ATXN7L1: variants seen among roughly 807,000 people sequenced by gnomAD.
ATXN7L1 encodes ataxin 7 like 1, also known as ataxin-7-like protein 1.
In ATXN7L1, 15 loss-of-function variants were observed where a neutral mutation model predicts 70.8. The observed-to-expected ratio is 0.21, with a 90% CI of 0.14 to 0.33. The LOEUF (loss-of-function observed/expected upper bound fraction) is 0.33, where lower values mean the gene tolerates loss of function less well. Among genes scored for constraint, ATXN7L1 ranks in the 10% least tolerant of loss-of-function variants. ATXN7L1 has a pLI of 1.00. For synonymous variants in ATXN7L1, 440 were observed against 445.1 expected (o/e 0.99, Z 0.14); for missense variants, 975 against 1,097.1 (o/e 0.89, Z 1.57).
intron 3 of ATXN7L1, among the ~76,000 whole-genome samples, chr7:105,759,190 A>T (rs1299056079): frequency 6.8e-6 from 1 of 147,638 alleles, no homozygotes; most frequent in Admixed American, 6.7e-5. Flanking sequence ...CCAGGTACCC[A>T]ATTTTATCAG....
chr7:105,643,959 C>G (rs1798629727), intron 4 of ATXN7L1, among the ~76,000 whole-genome samples: 1 of 152,172 alleles, frequency 6.6e-6, no homozygotes, highest in African/African-American at 2.4e-5. Context: ...AACTCCATCT[C>G]TGGGTCTTAA....
chr7:105,823,437 CTT>C (rs1810433865), intron 2 of ATXN7L1, among the ~76,000 whole-genome samples: 1 of 152,186 alleles, frequency 6.6e-6, no homozygotes, highest in Non-Finnish European at 1.5e-5. Context: ...CCAAGCTTCT[CTT>C]TACAGGTTTA....
chr7:105,739,970 C>A lies in ATXN7L1; in HGVS notation c.355+48634G>T, dbSNP rs556633395. Among the ~76,000 whole-genome samples, 11 of 152,314 alleles carry A rather than the reference C, an allele frequency of 7.2e-5. No homozygotes were observed. The East Asian group carries it at 2.1e-3, about 29-fold the overall frequency. On this transcript the variant is annotated intron_variant, in intron 3 of 11. Coordinates refer to ENST00000419735, the MANE Select transcript of ATXN7L1 (RefSeq NM_020725.2). Reference sequence around the variant, plus strand: ...AACAGTTCAAACATTTTTGACTGCACTGGAACCTGCTGTAAGAAATATAAG... The same window carrying A: ...AACAGTTCAAACATTTTTGACTGCAATGGAACCTGCTGTAAGAAATATAAG...
chr7:105,794,766 G>C (rs1005708028), intron 2 of ATXN7L1, among the ~76,000 whole-genome samples: 1 of 152,176 alleles, frequency 6.6e-6, no homozygotes, highest in African/African-American at 2.4e-5. Flanking sequence ...TGGGTGGGGT[G>C]GGGGATGGGG....
chr7:105,652,490 G>C (rs1436428253), intron 4 of ATXN7L1, among the ~76,000 whole-genome samples: 1 of 152,196 alleles, frequency 6.6e-6, no homozygotes, highest in Non-Finnish European at 1.5e-5. Context: ...GCCCAGAACA[G>C]GCTCCGCTCA....
rs1454873592 is a variant in ATXN7L1 at position 105,606,024 on chromosome 7, T to C, written c.*1828A>G. ...AACCTTGTTTATAATTTCTTAAACA[T>C]TTATAAGTCTTAAAATCTCCTTAAC... On this transcript the variant is annotated 3_prime_UTR_variant, in exon 12 of 12. Coordinates refer to ENST00000419735, the MANE Select transcript of ATXN7L1 (RefSeq NM_020725.2). 2.6e-5 allele frequency: 4 copies of C among 152,082 alleles called. No individual in the cohort carries two copies. Among genetic ancestry groups the C allele is most frequent in the Non-Finnish European group, 5.9e-5 (4 of 68,022 alleles). 9.4% of individuals were successfully genotyped at this position (152,082 alleles called of 1,614,324 possible). A position where few individuals can be genotyped will look rare whatever the true frequency, so the allele number is the denominator to read the frequency against.
intron 9 of ATXN7L1, among the ~76,000 whole-genome samples, chr7:105,618,531 G>C (rs1245219943): frequency 6.6e-6 from 1 of 152,138 alleles, no homozygotes; most frequent in Non-Finnish European, 1.5e-5. Context: ...AAGCTCTTTA[G>C]GCTTCCAGAA....
At chr7:105,732,075 A>G (rs1157809279) in intron 3 of ATXN7L1, among the ~76,000 whole-genome samples, 2 of 152,124 alleles carry the variant, frequency 1.3e-5, no homozygotes, top group South Asian at 2.1e-4. Flanking sequence ...CGTGGGGGAC[A>G]AAGTGAAACT....
intron 3 of ATXN7L1, among the ~76,000 whole-genome samples, chr7:105,698,187 G>A (rs1265232595): frequency 4.6e-5 from 7 of 152,058 alleles, no homozygotes; most frequent in African/African-American, 1.7e-4. Context: ...AGCTCAACAC[G>A]CCTCACTTGT....
chr7:105,633,584 G>A (rs1315198693), intron 7 of ATXN7L1, among the ~76,000 whole-genome samples: 4 of 152,186 alleles, frequency 2.6e-5, no homozygotes, highest in South Asian at 4.2e-4. Flanking sequence ...CCAGCCTATG[G>A]TGGTGGGCGC....
chr7:105,860,909 T>A (rs768237660), intron 2 of ATXN7L1, among the ~76,000 whole-genome samples: 1 of 152,148 alleles, frequency 6.6e-6, no homozygotes, highest in Non-Finnish European at 1.5e-5. Flanking sequence ...ACAAGACACA[T>A]GTGGACCATG....
chr7:105,802,465 T>C (rs1277583443), intron 2 of ATXN7L1, among the ~76,000 whole-genome samples: 3 of 152,124 alleles, frequency 2.0e-5, no homozygotes, highest in Non-Finnish European at 2.9e-5. Context: ...CAGATACCAC[T>C]GGGGAAACAC....
At chr7:105,873,292 A>G (rs957094899) in intron 2 of ATXN7L1, among the ~76,000 whole-genome samples, 27 of 152,240 alleles carry the variant, frequency 1.8e-4, no homozygotes, top group African/African-American at 6.5e-4. Context: ...TCTTCTCAAG[A>G]CCTGCTTAAA....
chr7:105,841,675 C>G (rs1045009333), intron 2 of ATXN7L1, among the ~76,000 whole-genome samples: 8 of 151,996 alleles, frequency 5.3e-5, no homozygotes, highest in Admixed American at 2.0e-4. Context: ...AACAATGGCC[C>G]CAAAGCGCAA....
At chr7:105,831,040 C>T (rs942063422) in intron 2 of ATXN7L1, among the ~76,000 whole-genome samples, 2 of 152,152 alleles carry the variant, frequency 1.3e-5, no homozygotes, top group African/African-American at 2.4e-5. Flanking sequence ...CCTCTTTTTG[C>T]GTTTTATACA....
intron 3 of ATXN7L1, among the ~76,000 whole-genome samples, chr7:105,758,066 C>A (rs1430311198): frequency 6.6e-6 from 1 of 152,014 alleles, no homozygotes; most frequent in Non-Finnish European, 1.5e-5. Context: ...CATCCTTGTC[C>A]CTCTTCCGAG....
intron 2 of ATXN7L1, among the ~76,000 whole-genome samples, chr7:105,839,349 C>G (rs2158896): frequency 0.19 from 28,363 of 152,140 alleles, 3,489 homozygotes; most frequent in East Asian, 0.43. Context: ...CAAATCCAAC[C>G]CTGGGCTTTC....
intron 3 of ATXN7L1, among the ~76,000 whole-genome samples, chr7:105,754,537 C>T (rs1423028228): frequency 6.6e-6 from 1 of 152,116 alleles, no homozygotes; most frequent in African/African-American, 2.4e-5. Context: ...CATAGCTCAT[C>T]GCAGTCTCAA....
At chr7:105,766,997 G>C (rs1801349258) in intron 3 of ATXN7L1, among the ~76,000 whole-genome samples, 1 of 152,226 alleles carries the variant, frequency 6.6e-6, no homozygotes, top group African/African-American at 2.4e-5. Context: ...GCAGCAGAGA[G>C]CAGATCTGCC....
Sources: allele counts gnomAD v4.1 joint callset (sites outside exome capture counted in the v4.1 genomes callset), GRCh38; gene constraint gnomAD v4.1.1; transcripts MANE v1.5; gene names NCBI Gene and HGNC (gene_info 2026-07-23, HGNC 2026-07-21).